Variants in CCDC91 observed in about 807,000 individuals in gnomAD.
CCDC91 encodes the protein coiled-coil domain-containing protein 91.
CCDC91 carries 48 observed loss-of-function variants against 63.2 expected under a neutral mutation model. The ratio of observed to expected loss-of-function variants is 0.76; its 90% CI spans 0.60 to 0.97. The LOEUF is 0.97. Ranked by LOEUF, CCDC91 falls within the 50% of genes least tolerant of loss-of-function variation. The pLI, the probability that CCDC91 is intolerant of heterozygous loss-of-function variation, is 0.00. For synonymous variants in CCDC91, 167 were observed against 165.8 expected, an observed-to-expected ratio of 1.01 and a Z score of -0.06; for missense variants, 500 against 494.6, an observed-to-expected ratio of 1.01 and a Z score of -0.10.
At chr12:28,282,150 G>A (rs1246910061) in intron 3 of CCDC91, among the ~76,000 whole-genome samples, 1 of 152,072 alleles carries the variant, frequency 6.6e-6, no homozygotes, top group Admixed American at 6.6e-5. Flanking sequence ...ACGTACTACC[G>A]TTAAGTTGGT....
chr12:28,279,394 G>A (rs1483401366), intron 3 of CCDC91, among the ~76,000 whole-genome samples: 1 of 152,056 alleles, frequency 6.6e-6, no homozygotes, highest in Non-Finnish European at 1.5e-5. Context: ...GACTTTCCTA[G>A]GAGAGAAGTT....
chr12:28,452,641 G>C lies in CCDC91; in HGVS notation c.1088G>C (p.Arg363Thr), dbSNP rs776503971. The change falls in exon 11 of 13, where the codon AGA (arginine) becomes ACA (threonine). Residue 363 changes from arginine to threonine, a missense_variant. Arg to Thr is a moderately conservative substitution (Grantham distance 71). Coordinates refer to ENST00000536442, the MANE Select transcript of CCDC91 (RefSeq NM_018318.5). ...QEIQKAIQEQ[R>T]KISQETVKAA... is the part of the protein sequence containing the mutation. Reference sequence around the variant, plus strand: ...ATTCAAAAAGCTATACAAGAACAAAGAAAAATAAGTCAGGTTAGTAATATT... The same window carrying C: ...ATTCAAAAAGCTATACAAGAACAAACAAAAATAAGTCAGGTTAGTAATATT... The C allele has an allele frequency of 1.4e-5, 21 of 1,524,416 alleles. No homozygotes were observed. Among genetic ancestry groups the C allele is most frequent in the Non-Finnish European group, 1.7e-5 (19 of 1,132,170 alleles). The allele number at this position is 1,524,416 out of a possible 1,614,324, so 94.4% of individuals were successfully genotyped here.
chr12:28,473,578 C>T (rs1418347541), intron 11 of CCDC91, among the ~76,000 whole-genome samples: 5 of 152,076 alleles, frequency 3.3e-5, no homozygotes, highest in East Asian at 1.9e-4. Flanking sequence ...TAGTGTTTCT[C>T]ACCTTTTTTG....
Position 28,363,621 on chromosome 12 carries a change from C to T in CCDC91, c.654+1106C>T, listed in dbSNP as rs552922835. ...CATTTGGGCCGGGCATGGTGGCTCA[C>T]GCCTGTAATCCCAGCACTTCGGGAG... is the stretch of plus-strand genomic sequence containing the variant. On this transcript the variant is annotated intron_variant, in intron 7 of 12. Coordinates refer to ENST00000536442, the MANE Select transcript of CCDC91 (RefSeq NM_018318.5). Among the ~76,000 whole-genome samples the T allele has an allele frequency of 1.0e-3, 158 of 151,986 alleles. 1 individual carries two copies. The highest frequency in any genetic ancestry group is 3.4e-3 in the African/African-American group (141 of 41,478).
chr12:28,376,658 T>C (rs1944965980), intron 7 of CCDC91, among the ~76,000 whole-genome samples: 1 of 151,808 alleles, frequency 6.6e-6, no homozygotes. Flanking sequence ...AGGAATATGA[T>C]GCCTTGTATT....
At chr12:28,497,168 G>A (rs1180803982) in intron 12 of CCDC91, among the ~76,000 whole-genome samples, 3 of 150,868 alleles carry the variant, frequency 2.0e-5, no homozygotes, top group Non-Finnish European at 3.0e-5. Flanking sequence ...TTGAGTCCTT[G>A]GCATCATCTG....
intron 8 of CCDC91, among the ~76,000 whole-genome samples, chr12:28,419,852 G>A (rs1476450063): frequency 6.6e-6 from 1 of 151,652 alleles, no homozygotes; most frequent in Non-Finnish European, 1.5e-5. Flanking sequence ...AACCTGCTTG[G>A]CTCAAGCTAT....
chr12:28,382,445 A>G (rs1945352483), intron 7 of CCDC91, among the ~76,000 whole-genome samples: 1 of 152,124 alleles, frequency 6.6e-6, no homozygotes, highest in Non-Finnish European at 1.5e-5. Context: ...GTTAGAATAC[A>G]GGATTTCACC....
intron 6 of CCDC91, among the ~76,000 whole-genome samples, chr12:28,326,788 G>T (rs945997204): frequency 6.6e-6 from 1 of 151,972 alleles, no homozygotes; most frequent in South Asian, 2.1e-4. Context: ...TATTGTAAGC[G>T]GAATTCAAAG....
At chr12:28,208,588 A>G (rs1943013351) in intron 1 of CCDC91, among the ~76,000 whole-genome samples, 1 of 152,194 alleles carries the variant, frequency 6.6e-6, no homozygotes, top group Non-Finnish European at 1.5e-5. Flanking sequence ...TGAGAAGCCT[A>G]TCAAATATTT....
At chr12:28,211,431 A>C (rs140074096) in intron 1 of CCDC91, among the ~76,000 whole-genome samples, 1 of 152,102 alleles carries the variant, frequency 6.6e-6, no homozygotes, top group Middle Eastern at 3.2e-3. Context: ...CTAGCACCCA[A>C]TATCAGACTG....
At chr12:28,384,275 A>G (rs1245828561) in intron 7 of CCDC91, among the ~76,000 whole-genome samples, 1 of 152,192 alleles carries the variant, frequency 6.6e-6, no homozygotes, top group African/African-American at 2.4e-5. Context: ...TATTACTGAT[A>G]GTAAGTATAT....
At chr12:28,493,829 C>CA (rs575642370) in intron 12 of CCDC91, among the ~76,000 whole-genome samples, 21 of 151,780 alleles carry the variant, frequency 1.4e-4, no homozygotes, top group African/African-American at 4.6e-4. Context: ...CACCCAACCA[C>CA]AAGACAAGTA....
intron 7 of CCDC91, among the ~76,000 whole-genome samples, chr12:28,376,748 T>A (rs1051661621): frequency 6.6e-6 from 1 of 151,860 alleles, no homozygotes; most frequent in Admixed American, 6.6e-5. Context: ...ATACATCTAT[T>A]CAGTTAATAA....
At chr12:28,350,263 T>C (rs574070547) in intron 6 of CCDC91, among the ~76,000 whole-genome samples, 2 of 152,342 alleles carry the variant, frequency 1.3e-5, no homozygotes, top group South Asian at 4.1e-4. Flanking sequence ...TGCCATTTCT[T>C]TTAAAGATCT....
At chr12:28,461,250 C>G (rs758494762) in intron 11 of CCDC91, among the ~76,000 whole-genome samples, 2 of 151,978 alleles carry the variant, frequency 1.3e-5, no homozygotes, top group African/African-American at 2.4e-5. Context: ...GTTGATCTAG[C>G]AAAATGTGCA....
At chr12:28,425,177 G>A (rs1215215690) in intron 8 of CCDC91, among the ~76,000 whole-genome samples, 1 of 152,102 alleles carries the variant, frequency 6.6e-6, no homozygotes, top group East Asian at 1.9e-4. Context: ...GGAATTTGCC[G>A]TCCAAGTACT....
At chr12:28,304,628 A>T in intron 3 of CCDC91, 3 of 1,259,656 alleles carry the variant, frequency 2.4e-6, no homozygotes, top group Non-Finnish European at 3.1e-6. Context: ...TTCTTCAGGG[A>T]AACATGCAAT....
intron 12 of CCDC91, among the ~76,000 whole-genome samples, chr12:28,485,431 G>T (rs1044172574): frequency 1.3e-5 from 2 of 151,996 alleles, no homozygotes; most frequent in African/African-American, 4.8e-5. Flanking sequence ...CTCCCAAAGT[G>T]CCAGGAATAC....
Sources: gnomAD v4.1 joint callset for allele counts (sites outside exome capture counted in the v4.1 genomes callset) on GRCh38, gnomAD v4.1.1 for gene constraint, MANE v1.5 for transcripts, NCBI Gene and HGNC (gene_info 2026-07-23, HGNC 2026-07-21) for gene names.